The following SERPINC1 variants were observed in gnomAD, a reference collection of about 807,000 sequenced individuals.
SERPINC1 encodes the protein antithrombin-III.
SERPINC1 carries 12 observed loss-of-function variants against 43.4 expected under a neutral mutation model. That is an observed-to-expected ratio of 0.28 (90% CI 0.18 to 0.45). The LOEUF (loss-of-function observed/expected upper bound fraction) is 0.45, where lower values mean the gene tolerates loss of function less well. Ranked by LOEUF, SERPINC1 falls within the 20% of genes least tolerant of loss-of-function variation. The pLI is 1.00. For missense variants in SERPINC1, 423 were observed against 578.8 expected (o/e 0.73, Z 2.76); for synonymous variants, 210 against 218.9 (o/e 0.96, Z 0.36).
intron 5 of SERPINC1, 131 bp from the exon 6 acceptor site, chr1:173,907,645 C>T: frequency 1.3e-6 from 1 of 765,536 alleles, no homozygotes. Context: ...TAAATCTTCA[C>T]CTAATCATAC....
At chr1:173,905,868 C>T (rs564608079) in intron 6 of SERPINC1, among the ~76,000 whole-genome samples, 2 of 152,302 alleles carry the variant, frequency 1.3e-5, no homozygotes, top group Non-Finnish European at 1.5e-5. Flanking sequence ...AACTACTCTA[C>T]CTTTGAAATT....
In SERPINC1 at chr1:173,910,745, T is replaced by C. The variant is rs1657737681; in HGVS notation, c.762+9A>G. 1 of 1,613,782 alleles carries C rather than the reference T, an allele frequency of 6.2e-7. No individual in the cohort carries two copies. Among genetic ancestry groups the C allele is most frequent in the Non-Finnish European group, 8.5e-7 (1 of 1,179,860 alleles). ...GTCCCTGGGGTCTCTCCAGGGCCATTCTGAGTACCTTGAAGTAAATGGTGT... is the reference window on the plus strand; with the variant it reads ...GTCCCTGGGGTCTCTCCAGGGCCATCCTGAGTACCTTGAAGTAAATGGTGT... On this transcript the variant is annotated intron_variant, in intron 4 of 6. Coordinates refer to ENST00000367698, the MANE Select transcript of SERPINC1 (RefSeq NM_000488.4).
chr1:173,914,787 C>T lies in SERPINC1; in HGVS notation c.174G>A (p.Pro58=), dbSNP rs754390483. Residue 58 remains proline (P), a synonymous_variant, in exon 2 of 7, where the codon CCG becomes CCA. Transcript: ENST00000367698. The part of the protein sequence containing the change: ...PMNPMCIYRS[P]EKKATEDEGS... Reference sequence around the variant, plus strand: ...CCTCATCCTCAGTTGCCTTCTTCTCCGGGGAGCGGTAAATGCACATGGGAT... The same window carrying T: ...CCTCATCCTCAGTTGCCTTCTTCTCTGGGGAGCGGTAAATGCACATGGGAT... The T allele has an allele frequency of 2.2e-5, 36 of 1,613,978 alleles. No homozygotes were observed. Among genetic ancestry groups the T allele is most frequent in the Middle Eastern group, 1.6e-4 (1 of 6,084 alleles).
At position 173,914,698 on chromosome 1, in the gene SERPINC1, G is replaced by A; in HGVS notation, c.263C>T (p.Ser88Phe). ...RRVWELSKAN[S>F]RFATTFYQHL... ...CTGATAGAAAGTGGTAGCAAAGCGG[G>A]AATTGGCCTTGGACAGTTCCCAGAC... Residue 88 changes from serine (S) to phenylalanine (F), a missense_variant, in exon 2 of 7, where the codon TCC (serine) becomes TTC (phenylalanine). By Grantham distance (155) the Ser-to-Phe change is radical. Coordinates refer to ENST00000367698, the MANE Select transcript of SERPINC1 (RefSeq NM_000488.4). The A allele has an allele frequency of 2.5e-6, 4 of 1,614,234 alleles. No homozygotes were observed. The highest frequency in any genetic ancestry group is 1.1e-5 in the South Asian group (1 of 91,084).
rs112071190 is a variant in SERPINC1, at chr1:173,907,117, C to CAA, written c.1218+331_1218+332dup. ...GCAACGAGCGAACGAAGCTCTGTCT[C>CAA]AAAAAAAAAAAAAAATTCTCCCTGG... On this transcript the variant is annotated intron_variant, in intron 6 of 6. Coordinates refer to ENST00000367698, the MANE Select transcript of SERPINC1 (RefSeq NM_000488.4). Among the ~76,000 whole-genome samples, 41 of 138,470 alleles carry CAA rather than the reference C, an allele frequency of 3.0e-4. 1 individual carries two copies. The highest frequency in any genetic ancestry group is 9.4e-4 in the South Asian group (4 of 4,278). 90.8% of individuals were successfully genotyped at this position (138,470 alleles called of 152,430 possible). A position where few individuals can be genotyped will look rare whatever the true frequency, so the allele number is the denominator to read the frequency against.
chr1:173,905,979 C>CCT (rs1657488847), intron 6 of SERPINC1, among the ~76,000 whole-genome samples: 1 of 152,116 alleles, frequency 6.6e-6, no homozygotes, highest in African/African-American at 2.4e-5. Flanking sequence ...GAGTTTGATC[C>CCT]CTGGATCTAT....
At chr1:173,915,672 G>A (rs1657959988) in intron 1 of SERPINC1, among the ~76,000 whole-genome samples, 1 of 152,178 alleles carries the variant, frequency 6.6e-6, no homozygotes, top group Non-Finnish European at 1.5e-5. Context: ...GTGAGACTGT[G>A]TCTCAAAACA....
chr1:173,916,502 A>G (rs1657995013), intron 1 of SERPINC1, among the ~76,000 whole-genome samples: 1 of 152,212 alleles, frequency 6.6e-6, no homozygotes, highest in Non-Finnish European at 1.5e-5. Flanking sequence ...TGTGGAAGGC[A>G]GGCTGAAGAA....
At chr1:173,905,110 T>TAAC (rs1422350324) in intron 6 of SERPINC1, among the ~76,000 whole-genome samples, 1 of 152,206 alleles carries the variant, frequency 6.6e-6, no homozygotes, top group Non-Finnish European at 1.5e-5. Context: ...TGACCACTTC[T>TAAC]AACTGGAGTC....
At chr1:173,913,621 C>G (rs966318835) in intron 2 of SERPINC1, among the ~76,000 whole-genome samples, 1 of 152,118 alleles carries the variant, frequency 6.6e-6, no homozygotes, top group Non-Finnish European at 1.5e-5. Flanking sequence ...CTTTGGGAGG[C>G]CAAGGCAGGT....
chr1:173,905,901 A>G (rs1404850351), intron 6 of SERPINC1, among the ~76,000 whole-genome samples: 3 of 152,084 alleles, frequency 2.0e-5, no homozygotes, highest in Non-Finnish European at 2.9e-5. Flanking sequence ...TCCTTTTCTC[A>G]GATTATAACC....
intron 6 of SERPINC1, among the ~76,000 whole-genome samples, chr1:173,904,737 TCTC>T (rs1557900483): frequency 6.6e-6 from 1 of 152,146 alleles, no homozygotes; most frequent in Non-Finnish European, 1.5e-5. Context: ...GATGATGTCT[TCTC>T]CTTCCTTCTC....
At chr1:173,910,020 G>C in intron 4 of SERPINC1, 78 bp from the exon 5 acceptor site, 1 of 1,384,742 alleles carries the variant, frequency 7.2e-7, no homozygotes, top group Non-Finnish European at 1.0e-6. Flanking sequence ...CCATATTATA[G>C]TGTTACATTA....
intron 6 of SERPINC1, among the ~76,000 whole-genome samples, chr1:173,905,044 A>G (rs1657434720): frequency 6.6e-6 from 1 of 152,180 alleles, no homozygotes; most frequent in Non-Finnish European, 1.5e-5. Flanking sequence ...GATAAAATGA[A>G]TCCAGACCTC....
At position 173,912,067 on chromosome 1, in the gene SERPINC1, A is replaced by AT. The variant is rs1657795572; in HGVS notation, c.409-54dup. On this transcript the variant is annotated intron_variant, in intron 2 of 6. Coordinates refer to ENST00000367698, the MANE Select transcript of SERPINC1 (RefSeq NM_000488.4). ...GGGTTTGGTGGGCTGCCTAGTTAAC[A>AT]TGGGTGGTGAGCACATGCTGGTCAG... The AT allele has an allele frequency of 2.3e-6, 3 of 1,302,598 alleles. No individual in the cohort carries two copies. The East Asian group carries it at 6.9e-5, about 30-fold the overall frequency. The allele number at this position is 1,302,598 out of a possible 1,614,324, so 80.7% of individuals were successfully genotyped here. A position where few individuals can be genotyped will look rare whatever the true frequency, so the allele number is the denominator to read the frequency against.
At chr1:173,904,282 A>C (rs1006337300) in intron 6 of SERPINC1, among the ~76,000 whole-genome samples, 1 of 152,190 alleles carries the variant, frequency 6.6e-6, no homozygotes, top group Non-Finnish European at 1.5e-5. Flanking sequence ...TGTGCTAGGT[A>C]ATAAGTGTAA....
Position 173,910,009 on chromosome 1 carries a change from T to C in SERPINC1, c.763-67A>G, listed in dbSNP as rs907205748. The C allele has an allele frequency of 5.4e-6, 8 of 1,479,152 alleles. No individual in the cohort carries two copies. The African/African-American group carries it at 5.5e-5, about 10-fold the overall frequency. 91.6% of individuals were successfully genotyped at this position (1,479,152 alleles called of 1,614,324 possible). A position where few individuals can be genotyped will look rare whatever the true frequency, so the allele number is the denominator to read the frequency against. ...AGGATAGTTATTGACACAAGACATA[T>C]CCATATTATAGTGTTACATTAATAT... is the stretch of plus-strand genomic sequence containing the variant. On this transcript the variant is annotated intron_variant, in intron 4 of 6. Coordinates refer to ENST00000367698, the MANE Select transcript of SERPINC1 (RefSeq NM_000488.4).
chr1:173,905,434 AGTAGGC>A (rs1240847401), intron 6 of SERPINC1, among the ~76,000 whole-genome samples: 1 of 151,138 alleles, frequency 6.6e-6, no homozygotes, highest in Admixed American at 6.6e-5. Context: ...AAAATATCTC[AGTAGGC>A]CGGGCACGGT....
Position 173,912,012 on chromosome 1 carries a change from T to C in SERPINC1, c.411A>G (p.Val137=), listed in dbSNP as rs1557903193. 6.2e-7 allele frequency: 1 copy of C among 1,612,874 alleles called. No individual in the cohort carries two copies. The highest frequency in any genetic ancestry group is 8.5e-7 in the Non-Finnish European group (1 of 1,178,884). Residue 137 remains valine, a splice_region_variant and synonymous_variant, in exon 3 of 7, where the codon GTA becomes GTG. Coordinates refer to ENST00000367698, the MANE Select transcript of SERPINC1 (RefSeq NM_000488.4). ...CNDTLQQLME[V]FKFDTISEKT... Reference sequence around the variant, plus strand: ...TCTCAGATATGGTGTCAAACTTAAATACCTATAGAAGTCAAAAAAAAATGG... The same window carrying C: ...TCTCAGATATGGTGTCAAACTTAAACACCTATAGAAGTCAAAAAAAAATGG...
Sources: allele counts gnomAD v4.1 joint callset (sites outside exome capture counted in the v4.1 genomes callset), GRCh38; gene constraint gnomAD v4.1.1; transcripts MANE v1.5; gene names NCBI Gene and HGNC (gene_info 2026-07-23, HGNC 2026-07-21).